ZNF804A: variants seen among roughly 807,000 people sequenced by gnomAD.
ZNF804A encodes zinc finger protein 804A.
In ZNF804A, 2 loss-of-function variants were observed where a neutral mutation model predicts 16.5. That is an observed-to-expected ratio of 0.12 (90% CI 0.05 to 0.38). The LOEUF (loss-of-function observed/expected upper bound fraction) is 0.38. ZNF804A is among the 10% of genes least tolerant of loss of function. ZNF804A has a pLI of 0.99. For missense variants in ZNF804A, 1,473 were observed against 1,390.7 expected, an observed-to-expected ratio of 1.06 and a Z score of -0.94; for synonymous variants, 534 against 489.6, an observed-to-expected ratio of 1.09 and a Z score of -1.20.
chr2:184,657,506 A>G (rs1411473904), intron 1 of ZNF804A, among the ~76,000 whole-genome samples: 2 of 152,164 alleles, frequency 1.3e-5, no homozygotes, highest in African/African-American at 4.8e-5. Context: ...GGCTTATTAA[A>G]AGGGATTCTG....
intron 2 of ZNF804A, among the ~76,000 whole-genome samples, chr2:184,915,949 G>C (rs1685442734): frequency 6.6e-6 from 1 of 152,138 alleles, no homozygotes; most frequent in South Asian, 2.1e-4. Flanking sequence ...ACATTAATGT[G>C]TGATACCATC....
At chr2:184,655,580 A>C (rs1022906981) in intron 1 of ZNF804A, among the ~76,000 whole-genome samples, 4 of 152,194 alleles carry the variant, frequency 2.6e-5, no homozygotes, top group African/African-American at 9.6e-5. Flanking sequence ...AAAGTGTCCT[A>C]GTAAAGTCAG....
At chr2:184,876,262 C>A (rs1574252181) in intron 2 of ZNF804A, among the ~76,000 whole-genome samples, 2 of 152,258 alleles carry the variant, frequency 1.3e-5, no homozygotes, top group Admixed American at 1.3e-4. Flanking sequence ...AAAGGAATTA[C>A]TTCTTGATAT....
rs1691011174 is a variant in ZNF804A, at chr2:184,599,410, T to G, written c.111+340T>G. 2.0e-5 allele frequency among the ~76,000 whole-genome samples: 3 copies of G among 152,146 alleles called. No homozygotes were observed. The South Asian group carries it at 6.2e-4, about 32-fold the overall frequency. On this transcript the variant is annotated intron_variant, in intron 1 of 3. Coordinates refer to ENST00000302277, the MANE Select transcript of ZNF804A (RefSeq NM_194250.2). ...AACCCCAAGTTACCCCATAACCTCT[T>G]TTGTTTGGCTTAGGAGGCTGAAGGT...
chr2:184,887,262 G>A (rs1031340874), intron 2 of ZNF804A, among the ~76,000 whole-genome samples: 3 of 152,068 alleles, frequency 2.0e-5, no homozygotes, highest in South Asian at 2.1e-4. Context: ...TGGGTTCCTC[G>A]TCTCCATCTG....
chr2:184,697,351 T>C lies in ZNF804A; in HGVS notation c.111+98281T>C, dbSNP rs546476018. On this transcript the variant is annotated intron_variant, in intron 1 of 3. Coordinates refer to ENST00000302277, the MANE Select transcript of ZNF804A (RefSeq NM_194250.2). Reference sequence around the variant, plus strand: ...GCATTACGTGTCAAGCCTTTGTTTCTGGGTCATAGAATCTGTATGAGACAC... The same window carrying C: ...GCATTACGTGTCAAGCCTTTGTTTCCGGGTCATAGAATCTGTATGAGACAC... 2.1e-3 allele frequency among the ~76,000 whole-genome samples: 326 copies of C among 152,190 alleles called. 1 individual carries two copies. The highest frequency in any genetic ancestry group is 6.8e-3 in the Middle Eastern group (2 of 294).
intron 1 of ZNF804A, among the ~76,000 whole-genome samples, chr2:184,756,111 T>C (rs889868056): frequency 2.6e-5 from 4 of 152,054 alleles, no homozygotes; most frequent in Non-Finnish European, 5.9e-5. Flanking sequence ...AGAGTTTTTT[T>C]CCTCAGTATT....
chr2:184,816,037 G>A (rs1694977471), intron 1 of ZNF804A, among the ~76,000 whole-genome samples: 1 of 151,978 alleles, frequency 6.6e-6, no homozygotes, highest in Non-Finnish European at 1.5e-5. Flanking sequence ...AATGCATTAT[G>A]AACACAGAGC....
intron 1 of ZNF804A, among the ~76,000 whole-genome samples, chr2:184,806,634 A>T (rs1694809596): frequency 6.6e-6 from 1 of 151,874 alleles, no homozygotes; most frequent in African/African-American, 2.4e-5. Context: ...ATATACAGAC[A>T]TATTTCCTAG....
chr2:184,834,663 A>G (rs1695316936), intron 1 of ZNF804A, among the ~76,000 whole-genome samples: 1 of 152,100 alleles, frequency 6.6e-6, no homozygotes, highest in East Asian at 1.9e-4. Flanking sequence ...CATTTTCATG[A>G]TTGTTTTTTG....
chr2:184,767,527 T>C (rs1454975863), intron 1 of ZNF804A, among the ~76,000 whole-genome samples: 1 of 152,062 alleles, frequency 6.6e-6, no homozygotes, highest in African/African-American at 2.4e-5. Flanking sequence ...CAAAACAATA[T>C]GAATGTATTG....
chr2:184,625,214 G>A (rs1691477563), intron 1 of ZNF804A, among the ~76,000 whole-genome samples: 1 of 152,018 alleles, frequency 6.6e-6, no homozygotes, highest in South Asian at 2.1e-4. Flanking sequence ...CAGTAATGCA[G>A]CATGTGACAG....
intron 1 of ZNF804A, among the ~76,000 whole-genome samples, chr2:184,807,269 T>C (rs1411845324): frequency 3.3e-5 from 5 of 151,880 alleles, no homozygotes; most frequent in Non-Finnish European, 7.4e-5. Flanking sequence ...ACATTTAAGG[T>C]AGTTATTAAA....
At chr2:184,670,219 ATGT>A (rs1400257738) in intron 1 of ZNF804A, among the ~76,000 whole-genome samples, 1 of 151,954 alleles carries the variant, frequency 6.6e-6, no homozygotes, top group Non-Finnish European at 1.5e-5. Flanking sequence ...TTTATTCTGA[ATGT>A]TATGTACTAT....
At chr2:184,909,050 C>T (rs1685320462) in intron 2 of ZNF804A, among the ~76,000 whole-genome samples, 1 of 151,982 alleles carries the variant, frequency 6.6e-6, no homozygotes, top group African/African-American at 2.4e-5. Flanking sequence ...TACAATAGCT[C>T]CTTTGGAAAC....
intron 1 of ZNF804A, among the ~76,000 whole-genome samples, chr2:184,829,143 A>G (rs940972962): frequency 5.3e-5 from 8 of 151,834 alleles, no homozygotes; most frequent in Non-Finnish European, 1.0e-4. Flanking sequence ...TTTATTATAC[A>G]TAATCTAAAT....
intron 1 of ZNF804A, among the ~76,000 whole-genome samples, chr2:184,856,294 C>A (rs1695685533): frequency 6.6e-6 from 1 of 151,882 alleles, no homozygotes; most frequent in Non-Finnish European, 1.5e-5. Context: ...AATTTCTTCT[C>A]ATTTCTAGAG....
At chr2:184,913,971 C>T (rs368766548) in intron 2 of ZNF804A, among the ~76,000 whole-genome samples, 1 of 152,128 alleles carries the variant, frequency 6.6e-6, no homozygotes, top group Non-Finnish European at 1.5e-5. Flanking sequence ...ACCCCAGATG[C>T]TCAAGTACTA....
chr2:184,859,249 T>C (rs1031154725), intron 1 of ZNF804A, among the ~76,000 whole-genome samples: 1 of 152,156 alleles, frequency 6.6e-6, no homozygotes, highest in African/African-American at 2.4e-5. Flanking sequence ...AAATATGTGC[T>C]GCTTGATGCT....
Sources: gnomAD v4.1 joint callset for allele counts (sites outside exome capture counted in the v4.1 genomes callset) on GRCh38, gnomAD v4.1.1 for gene constraint, MANE v1.5 for transcripts, NCBI Gene and HGNC (gene_info 2026-07-23, HGNC 2026-07-21) for gene names.